The following ZFY variants were observed in gnomAD, a reference collection of about 807,000 sequenced individuals.
ZFY encodes the protein zinc finger protein Y-linked.
For missense variants in ZFY, 113 were observed against 170.9 expected (o/e 0.66, Z 1.89); for synonymous variants, 47 against 55.8 (o/e 0.84, Z 0.71).
chrY:2,949,018 T>A, intron 1 of ZFY, among the ~76,000 whole-genome samples: 1 of 32,369 alleles, frequency 3.1e-5, no homozygotes, highest in African/African-American at 1.2e-4. Flanking sequence ...CCAACTAATT[T>A]TTTTTTTTTT....
At chrY:2,971,387 A>G in intron 3 of ZFY, among the ~76,000 whole-genome samples, 1 of 32,983 alleles carries the variant, frequency 3.0e-5, no homozygotes, top group Admixed American at 2.8e-4. Flanking sequence ...CTGGTGCATA[A>G]AGTCCTCCAT....
At position 2,979,300 on chromosome Y, in the gene ZFY, A is replaced by G. The variant is rs763081427; in HGVS notation, c.1713A>G (p.Pro571=). 1 of 399,296 alleles carries G rather than the reference A, an allele frequency of 2.5e-6. No individual in the cohort carries two copies. The highest frequency in any genetic ancestry group is 3.0e-5 in the South Asian group (1 of 33,797). The change falls in exon 8 of 8, where the codon CCA becomes CCG. Residue 571 remains proline, a synonymous_variant. Transcript: ENST00000155093. The stretch of plus-strand genomic sequence containing the variant: ...TGCGAATCCATACCGGCGAGAAGCC[A>G]TACCAATGCCAGTACTGTGAATATA... ...KHMRIHTGEK[P]YQCQYCEYRS... is the part of the protein sequence containing the mutation.
Position 2,978,020 on chromosome Y carries a change from A to C in ZFY, c.1162A>C (p.Arg388=). ...LHIDESAGLG[R]LAKQKPKKKR... ...CATAGATGAGTCTGCTGGCCTTGGC[A>C]GACTGGCTAAACAGAAACCAAAGAA... Residue 388 remains arginine, a synonymous_variant, in exon 7 of 8, where the codon AGA becomes CGA. Coordinates refer to ENST00000155093, the MANE Select transcript of ZFY (RefSeq NM_003411.4). 1 of 395,503 alleles carries C rather than the reference A, an allele frequency of 2.5e-6. No individual in the cohort carries two copies. Among genetic ancestry groups the C allele is most frequent in the South Asian group, 3.0e-5 (1 of 33,436 alleles).
chrY:2,958,760 C>CT (rs2051300625), intron 2 of ZFY, among the ~76,000 whole-genome samples: 2 of 33,565 alleles, frequency 6.0e-5, no homozygotes, highest in African/African-American at 1.2e-4. Context: ...GTTTCATACT[C>CT]TAAGTTAAAA....
chrY:2,967,854 C>T, intron 3 of ZFY, among the ~76,000 whole-genome samples: 2 of 32,421 alleles, frequency 6.2e-5, no homozygotes, highest in Non-Finnish European at 1.5e-4. Flanking sequence ...CATTAGCCAC[C>T]ACACCCAGTA....
chrY:2,970,244 GGAGTGCTAGA>G (rs2051344049), intron 3 of ZFY, among the ~76,000 whole-genome samples: 1 of 33,162 alleles, frequency 3.0e-5, no homozygotes, highest in Admixed American at 2.8e-4. Context: ...GGTAGGAAAA[GGAGTGCTAGA>G]GACTAGGGCT....
At chrY:2,941,180 T>G (rs1603310674) in intron 1 of ZFY, among the ~76,000 whole-genome samples, 3 of 33,850 alleles carry the variant, frequency 8.9e-5, no homozygotes, top group Non-Finnish European at 2.2e-4. Flanking sequence ...ATTTTTTAAT[T>G]GTAAAGGAGT....
chrY:2,939,013 ATATAT>A (rs2051230170), intron 1 of ZFY, among the ~76,000 whole-genome samples: 2 of 20,093 alleles, frequency 1.0e-4, no homozygotes, highest in South Asian at 1.1e-3. Context: ...ATATATATAT[ATATAT>A]ATATAAATAA....
intron 2 of ZFY, among the ~76,000 whole-genome samples, chrY:2,958,814 A>G (rs2051300899): frequency 2.9e-5 from 1 of 33,990 alleles, no homozygotes; most frequent in Non-Finnish European, 7.3e-5. Context: ...ACATTGCCAT[A>G]TATTAGCAAT....
At chrY:2,964,511 G>A in intron 3 of ZFY, among the ~76,000 whole-genome samples, 2 of 33,060 alleles carry the variant, frequency 6.0e-5, no homozygotes. Context: ...CAATGAAAAT[G>A]GCAGAGTAAA....
chrY:2,964,917 A>G (rs2051321651), intron 3 of ZFY, among the ~76,000 whole-genome samples: 4 of 32,482 alleles, frequency 1.2e-4, no homozygotes, highest in East Asian at 1.6e-3. Context: ...TGTAGTCCCA[A>G]CTACTTGAGG....
chrY:2,941,670 T>C lies in ZFY; in HGVS notation c.-29+5901T>C, dbSNP rs936133448. Reference sequence around the variant, plus strand: ...CACGTGCCACCACACCTGGCTTATTTATTTATTTATTTAGTAAAGGCAGGG... The same window carrying C: ...CACGTGCCACCACACCTGGCTTATTCATTTATTTATTTAGTAAAGGCAGGG... On this transcript the variant is annotated intron_variant, in intron 1 of 7. Transcript: ENST00000155093. 1.3e-4 allele frequency among the ~76,000 whole-genome samples: 4 copies of C among 30,373 alleles called. No individual in the cohort carries two copies. The South Asian group carries it at 3.1e-3, about 24-fold the overall frequency. 81.5% of individuals were successfully genotyped at this position (30,373 alleles called of 37,273 possible). A position where few individuals can be genotyped will look rare whatever the true frequency, so the allele number is the denominator to read the frequency against.
At chrY:2,973,212 T>G (rs774780069) in intron 3 of ZFY, among the ~76,000 whole-genome samples, 216 of 32,286 alleles carry the variant, frequency 6.7e-3, no homozygotes, top group African/African-American at 0.025. Context: ...CAGGCATGTG[T>G]CATTATGCCC....
At chrY:2,960,996 C>T in intron 2 of ZFY, 78 bp from the exon 3 acceptor site, 1 of 266,385 alleles carries the variant, frequency 3.8e-6, no homozygotes. Context: ...TCTGTTTTCC[C>T]AGAAGAAATT....
Position 2,976,762 on chromosome Y carries a change from C to A in ZFY, c.1021C>A (p.Gln341Lys), listed in dbSNP as rs1366355012. ...AGCAGCAGCAGCTGCTGTGCATGAG[C>A]AGCAAATTGATGAGGATGAAATGAA... Reference protein sequence around the residue: ...VAAAAAAVHEQQIDEDEMKTF... With the variant: ...VAAAAAAVHEKQIDEDEMKTF... The change falls in exon 6 of 8, where the codon CAG (glutamine) becomes AAG (lysine). Residue 341 changes from glutamine to lysine, a missense_variant. Transcript: ENST00000155093. 1 of 397,414 alleles carries A rather than the reference C, an allele frequency of 2.5e-6. No individual in the cohort carries two copies. The highest frequency in any genetic ancestry group is 3.5e-6 in the Non-Finnish European group (1 of 282,494).
chrY:2,953,881 G>A, intron 1 of ZFY, 28 bp from the exon 2 acceptor site: 1 of 268,955 alleles, frequency 3.7e-6, no homozygotes, highest in Non-Finnish European at 5.6e-6. Flanking sequence ...AAAAATTAAT[G>A]TTTGGTATAC....
chrY:2,970,791 A>G, intron 3 of ZFY, among the ~76,000 whole-genome samples: 1 of 33,296 alleles, frequency 3.0e-5, no homozygotes, highest in Non-Finnish European at 7.4e-5. Flanking sequence ...CCTTCCAATT[A>G]CCTCTCCAGC....
chrY:2,945,826 G>C, intron 1 of ZFY, among the ~76,000 whole-genome samples: 1 of 32,990 alleles, frequency 3.0e-5, no homozygotes, highest in South Asian at 6.6e-4. Flanking sequence ...TTTTCCCTTT[G>C]TTTTCAAATG....
At position 2,976,652 on chromosome Y, in the gene ZFY, T is replaced by A; in HGVS notation, c.929-18T>A. 1 of 371,202 alleles carries A rather than the reference T, an allele frequency of 2.7e-6. No homozygotes were observed. Among genetic ancestry groups the A allele is most frequent in the Non-Finnish European group, 3.7e-6 (1 of 267,759 alleles). 92.6% of individuals were successfully genotyped at this position (371,202 alleles called of 400,897 possible). ...GTAAACCTAGTCACAAAAAATTTTT[T>A]ATTTATTTTGTGCTTAGATGTTGCT... On this transcript the variant is annotated intron_variant, in intron 5 of 7. Transcript: ENST00000155093.
Sources: allele counts gnomAD v4.1 joint callset (sites outside exome capture counted in the v4.1 genomes callset), GRCh38; gene constraint gnomAD v4.1.1; transcripts MANE v1.5; gene names NCBI Gene and HGNC (gene_info 2026-07-23, HGNC 2026-07-21).